Variants in NEK6 observed in about 807,000 individuals in gnomAD.
NEK6 encodes the protein serine/threonine-protein kinase Nek6.
In NEK6, 27 loss-of-function variants were observed where a neutral mutation model predicts 43.5. The observed-to-expected ratio is 0.62, with a 90% CI of 0.46 to 0.86. The LOEUF (loss-of-function observed/expected upper bound fraction) is 0.86. Among genes scored for constraint, NEK6 ranks in the 40% least tolerant of loss-of-function variants. NEK6 has a pLI of 0.00. For missense variants in NEK6, 318 were observed against 414.4 expected, an observed-to-expected ratio of 0.77 and a Z score of 2.02; for synonymous variants, 167 against 164.1, an observed-to-expected ratio of 1.02 and a Z score of -0.14.
chr9:124,341,795 T>TTAGCCA (rs1829647998), intron 8 of NEK6, among the ~76,000 whole-genome samples: 1 of 152,066 alleles, frequency 6.6e-6, no homozygotes, highest in South Asian at 2.1e-4. Flanking sequence ...GTCAGTGTCT[T>TTAGCCA]TAGCCATAGG....
At chr9:124,309,523 C>T (rs1175290541) in intron 2 of NEK6, among the ~76,000 whole-genome samples, 13 of 152,194 alleles carry the variant, frequency 8.5e-5, no homozygotes, top group Admixed American at 8.5e-4. Flanking sequence ...GGGGAGGGAG[C>T]CCACCCCCAT....
At chr9:124,291,947 C>T (rs759648883) in intron 1 of NEK6, 503 of 985,960 alleles carry the variant, frequency 5.1e-4, no homozygotes, top group Non-Finnish European at 5.9e-4. Context: ...AAGTCCCATG[C>T]GGAGACAGAG....
intron 1 of NEK6, among the ~76,000 whole-genome samples, chr9:124,283,799 C>A (rs904701397): frequency 6.6e-6 from 1 of 152,236 alleles, no homozygotes; most frequent in African/African-American, 2.4e-5. Context: ...GCTTCCCGTT[C>A]CGAGGAAAAA....
At chr9:124,318,764 C>T (rs1167346130) in intron 4 of NEK6, among the ~76,000 whole-genome samples, 4 of 152,070 alleles carry the variant, frequency 2.6e-5, no homozygotes, top group African/African-American at 9.7e-5. Flanking sequence ...CACCGTCTCC[C>T]GGGTTCAAGC....
intron 1 of NEK6, chr9:124,258,290 G>T: frequency 3.0e-6 from 3 of 985,228 alleles, no homozygotes; most frequent in Non-Finnish European, 3.6e-6. Context: ...CGGCGTGTCC[G>T]CGTGTCCCGG....
In NEK6 at chr9:124,293,389, C is replaced by T. The variant is rs149823134; in HGVS notation, c.-29-8547C>T. Among the ~76,000 whole-genome samples, 1,184 of 152,318 alleles carry T rather than the reference C, an allele frequency of 7.8e-3. 9 individuals carry two copies. Among genetic ancestry groups the T allele is most frequent in the Middle Eastern group, 0.014 (4 of 294 alleles). ...ATCTTCAGGGAGGCTGGGAGCGGACCCAGCCTTGACCAGGTCCCAGAGTCA... is the reference window on the plus strand; with the variant it reads ...ATCTTCAGGGAGGCTGGGAGCGGACTCAGCCTTGACCAGGTCCCAGAGTCA... On this transcript the variant is annotated intron_variant, in intron 1 of 9. Coordinates refer to ENST00000320246, the MANE Select transcript of NEK6 (RefSeq NM_014397.6).
At chr9:124,333,449 G>A (rs148527662) in intron 7 of NEK6, among the ~76,000 whole-genome samples, 190 of 152,312 alleles carry the variant, frequency 1.2e-3, no homozygotes, top group Non-Finnish European at 1.9e-3. Context: ...GGAACCTGCC[G>A]GGAGGCAGGG....
At chr9:124,280,795 A>G (rs937885594) in intron 1 of NEK6, among the ~76,000 whole-genome samples, 2 of 151,564 alleles carry the variant, frequency 1.3e-5, no homozygotes, top group Non-Finnish European at 2.9e-5. Context: ...TTTTCTCTTC[A>G]TTTTTTTCTT....
intron 4 of NEK6, among the ~76,000 whole-genome samples, chr9:124,318,168 G>A (rs1328941854): frequency 6.6e-6 from 1 of 151,970 alleles, no homozygotes; most frequent in Non-Finnish European, 1.5e-5. Flanking sequence ...CCTTTTCTTC[G>A]CAGCCTCACC....
At chr9:124,342,769 GTGT>G in intron 8 of NEK6, among the ~76,000 whole-genome samples, 1 of 152,348 alleles carries the variant, frequency 6.6e-6, no homozygotes, top group Admixed American at 6.5e-5. Flanking sequence ...ATTCTGCTTT[GTGT>G]TTTTGTAAGC....
At position 124,258,047 on chromosome 9, in the gene NEK6, A is replaced by G. The variant is rs1830876378; in HGVS notation, c.-68A>G. 1 of 978,550 alleles carries G rather than the reference A, an allele frequency of 1.0e-6. No homozygotes were observed. Among genetic ancestry groups the G allele is most frequent in the Non-Finnish European group, 1.2e-6 (1 of 827,342 alleles). The allele number at this position is 978,550 out of a possible 1,614,324, so 60.6% of individuals were successfully genotyped here. ...GCTCCAGCCGCCCGCGGGCCAGCGC[A>G]CCGGTCCCCCAGCGGCAGCCGAGCC... On this transcript the variant is annotated 5_prime_UTR_variant, in exon 1 of 10. Coordinates refer to ENST00000320246, the MANE Select transcript of NEK6 (RefSeq NM_014397.6).
chr9:124,339,663 G>A lies in NEK6; in HGVS notation c.715G>A (p.Glu239Lys), dbSNP rs1288821162. ...CTGGTCCCTGGGCTGTCTGCTGTACGAGGTGAGTCTCTGTCCGTGGCTCAG... is the reference window on the plus strand; with the variant it reads ...CTGGTCCCTGGGCTGTCTGCTGTACAAGGTGAGTCTCTGTCCGTGGCTCAG... Reference protein sequence around the residue: ...DIWSLGCLLYEMAALQSPFYG... With the variant: ...DIWSLGCLLYKMAALQSPFYG... The change falls in exon 8 of 10, where the codon GAG (glutamate) becomes AAG (lysine). Residue 239 changes from glutamate to lysine, a missense_variant and splice_region_variant. Physicochemically the swap from Glu to Lys is moderately conservative, Grantham distance 56. This residue lies in a region of NEK6 where 239 missense variants were observed against 344.4 expected (regional missense o/e 0.69). Transcript: ENST00000320246. The A allele has an allele frequency of 2.5e-6, 4 of 1,609,938 alleles. No individual in the cohort carries two copies. The highest frequency in any genetic ancestry group is 2.2e-5 in the East Asian group (1 of 44,852).
At chr9:124,322,145 C>T (rs1320325202) in intron 5 of NEK6, among the ~76,000 whole-genome samples, 1 of 152,182 alleles carries the variant, frequency 6.6e-6, no homozygotes, top group African/African-American at 2.4e-5. Context: ...GTCTCTTTTC[C>T]TGGCCTGGGA....
intron 2 of NEK6, among the ~76,000 whole-genome samples, chr9:124,306,502 C>A (rs1280951404): frequency 6.6e-6 from 1 of 152,108 alleles, no homozygotes; most frequent in Non-Finnish European, 1.5e-5. Flanking sequence ...TACCAACAGC[C>A]CAGTGCCTGG....
At chr9:124,288,283 T>C (rs2119028912) in intron 1 of NEK6, among the ~76,000 whole-genome samples, 1 of 152,284 alleles carries the variant, frequency 6.6e-6, no homozygotes, top group South Asian at 2.1e-4. Flanking sequence ...GATTGATTGA[T>C]TGAGACAGAG....
intron 4 of NEK6, among the ~76,000 whole-genome samples, chr9:124,314,201 G>A (rs938371880): frequency 3.3e-5 from 5 of 152,058 alleles, no homozygotes; most frequent in Admixed American, 6.5e-5. Flanking sequence ...CCTTGGGGTC[G>A]CTGCCTACAG....
chr9:124,281,487 C>CTTTTTTTTTTTTTTTTTTT (rs759381068), intron 1 of NEK6, among the ~76,000 whole-genome samples: 4 of 102,922 alleles, frequency 3.9e-5, no homozygotes, highest in Admixed American at 1.1e-4. Context: ...GCTGTTTTTT[C>CTTTTTTTTTTTTTTTTTTT]TTTTTTTTTT....
intron 1 of NEK6, among the ~76,000 whole-genome samples, chr9:124,301,358 T>A (rs781001597): frequency 1.3e-5 from 2 of 152,170 alleles, no homozygotes; most frequent in African/African-American, 4.8e-5. Flanking sequence ...GGGCTGTTCC[T>A]TTGCACAGAG....
At chr9:124,266,768 G>T (rs977748784) in intron 1 of NEK6, among the ~76,000 whole-genome samples, 2 of 152,242 alleles carry the variant, frequency 1.3e-5, no homozygotes, top group Non-Finnish European at 2.9e-5. Context: ...CGGATCCTTG[G>T]AGAATGTTTA....
Sources: allele counts gnomAD v4.1 joint callset (sites outside exome capture counted in the v4.1 genomes callset), GRCh38; gene constraint gnomAD v4.1.1; regional missense constraint gnomAD v4.1.1; transcripts MANE v1.5; gene names NCBI Gene and HGNC (gene_info 2026-07-23, HGNC 2026-07-21).